Variants in LRRC4C observed in about 807,000 individuals in gnomAD.
The protein encoded by LRRC4C is leucine rich repeat containing 4C, also known as leucine-rich repeat-containing protein 4C.
LRRC4C carries 5 observed loss-of-function variants against 33.6 expected under a neutral mutation model. The observed-to-expected ratio is 0.15, with a 90% confidence interval of 0.08 to 0.31. LRRC4C has a LOEUF of 0.31. Among genes scored for constraint, LRRC4C ranks in the 10% least tolerant of loss-of-function variants. LRRC4C has a pLI of 1.00. For missense variants in LRRC4C, 560 were observed against 796.7 expected, an observed-to-expected ratio of 0.70 and a Z score of 3.58; for synonymous variants, 329 against 302.0, an observed-to-expected ratio of 1.09 and a Z score of -0.93.
intron 1 of LRRC4C, among the ~76,000 whole-genome samples, chr11:41,346,381 T>G (rs978500883): frequency 2.0e-5 from 3 of 152,128 alleles, no homozygotes; most frequent in Non-Finnish European, 2.9e-5. Flanking sequence ...CATAAAAAAA[T>G]TATCTAACTA....
At chr11:40,759,665 T>A (rs922937856) in intron 2 of LRRC4C, among the ~76,000 whole-genome samples, 1 of 151,816 alleles carries the variant, frequency 6.6e-6, no homozygotes, top group Non-Finnish European at 1.5e-5. Context: ...CGGTCTGGAG[T>A]TCTGCTTCTT....
At position 40,423,339 on chromosome 11, in the gene LRRC4C, C is replaced by CTTTT. The variant is rs35819704; in HGVS notation, c.-269-103622_-269-103619dup. 3.1e-3 allele frequency among the ~76,000 whole-genome samples: 284 copies of CTTTT among 90,924 alleles called. 2 individuals are homozygous for CTTTT. The highest frequency in any genetic ancestry group is 7.0e-3 in the East Asian group (20 of 2,876). The allele number at this position is 90,924 out of a possible 152,430, so 59.6% of individuals were successfully genotyped here. On this transcript the variant is annotated intron_variant, in intron 3 of 6. Coordinates refer to ENST00000528697, the MANE Select transcript of LRRC4C (RefSeq NM_001258419.2). ...GAAAAGGAAGTCAGTTGTTCATGTT[C>CTTTT]TTTTTTTTTTTTTTTTTTTTTTTGA... is the stretch of plus-strand genomic sequence containing the variant.
chr11:40,566,423 G>C (rs1273876853), intron 3 of LRRC4C, among the ~76,000 whole-genome samples: 1 of 151,960 alleles, frequency 6.6e-6, no homozygotes, highest in Non-Finnish European at 1.5e-5. Flanking sequence ...AACCTATAAT[G>C]GTTAAGTAGA....
intron 3 of LRRC4C, among the ~76,000 whole-genome samples, chr11:40,372,478 A>T (rs114337704): frequency 0.021 from 3,265 of 152,260 alleles, 105 homozygotes; most frequent in African/African-American, 0.074. Context: ...ACTAGGTTGA[A>T]CCTATTCAGA....
intron 3 of LRRC4C, among the ~76,000 whole-genome samples, chr11:40,506,852 G>A (rs1392976389): frequency 1.3e-5 from 2 of 152,072 alleles, no homozygotes; most frequent in East Asian, 1.9e-4. Flanking sequence ...TAGGTTTAAG[G>A]TGTCATTTTA....
At chr11:40,964,625 G>A (rs1378631062) in intron 1 of LRRC4C, among the ~76,000 whole-genome samples, 1 of 149,946 alleles carries the variant, frequency 6.7e-6, no homozygotes, top group Non-Finnish European at 1.5e-5. Flanking sequence ...GCGGTGTTTG[G>A]TTTTTTGTCC....
intron 2 of LRRC4C, among the ~76,000 whole-genome samples, chr11:40,857,514 G>A (rs949560879): frequency 6.6e-6 from 1 of 152,156 alleles, no homozygotes; most frequent in Non-Finnish European, 1.5e-5. Flanking sequence ...CACACACTGA[G>A]GGAAAGATGA....
intron 5 of LRRC4C, among the ~76,000 whole-genome samples, chr11:40,153,132 C>A (rs905999320): frequency 6.6e-6 from 1 of 152,072 alleles, no homozygotes; most frequent in African/African-American, 2.4e-5. Flanking sequence ...GCAGACAAGC[C>A]CCAGTACCAG....
At chr11:40,462,307 T>G (rs2138196492) in intron 3 of LRRC4C, among the ~76,000 whole-genome samples, 1 of 152,230 alleles carries the variant, frequency 6.6e-6, no homozygotes, top group East Asian at 1.9e-4. Flanking sequence ...TATTAGTCTT[T>G]ATTATGTAGG....
intron 1 of LRRC4C, among the ~76,000 whole-genome samples, chr11:41,266,969 A>G (rs1280021177): frequency 6.6e-6 from 1 of 152,174 alleles, no homozygotes; most frequent in East Asian, 1.9e-4. Context: ...TAAGTGCTAT[A>G]CAAGGCAATA....
intron 1 of LRRC4C, among the ~76,000 whole-genome samples, chr11:41,087,133 T>G (rs1424836885): frequency 6.6e-6 from 1 of 152,096 alleles, no homozygotes; most frequent in Admixed American, 6.6e-5. Context: ...CCTTAACAGA[T>G]TCCCTCTTCT....
intron 1 of LRRC4C, among the ~76,000 whole-genome samples, chr11:41,232,363 A>G (rs1947841292): frequency 6.6e-6 from 1 of 152,048 alleles, no homozygotes; most frequent in Non-Finnish European, 1.5e-5. Flanking sequence ...CTGGATATTT[A>G]GCATTCTTGA....
chr11:40,336,224 C>G (rs1590353547), intron 3 of LRRC4C, among the ~76,000 whole-genome samples: 1 of 152,040 alleles, frequency 6.6e-6, no homozygotes, highest in African/African-American at 2.4e-5. Flanking sequence ...AACCTCTCTC[C>G]TCTTTTTTTC....
intron 2 of LRRC4C, among the ~76,000 whole-genome samples, chr11:40,812,251 T>C (rs1812722574): frequency 6.6e-6 from 1 of 152,156 alleles, no homozygotes; most frequent in African/African-American, 2.4e-5. Context: ...TCAAATCACA[T>C]ATAACTAGGT....
intron 1 of LRRC4C, among the ~76,000 whole-genome samples, chr11:41,001,820 C>G (rs1013298674): frequency 1.3e-5 from 2 of 151,664 alleles, no homozygotes; most frequent in African/African-American, 4.8e-5. Context: ...AGGTTCAAAA[C>G]TTTCAGGTCA....
intron 3 of LRRC4C, among the ~76,000 whole-genome samples, chr11:40,334,131 A>C (rs939335234): frequency 2.0e-5 from 3 of 152,166 alleles, no homozygotes; most frequent in African/African-American, 7.2e-5. Flanking sequence ...GCTGTGTTTT[A>C]GTATGTATAC....
chr11:40,922,906 A>G (rs761477777), intron 2 of LRRC4C, among the ~76,000 whole-genome samples: 1 of 152,056 alleles, frequency 6.6e-6, no homozygotes, highest in African/African-American at 2.4e-5. Context: ...GCTCACTGCA[A>G]CCTCCGCCTC....
intron 2 of LRRC4C, among the ~76,000 whole-genome samples, chr11:40,719,483 T>TGAG (rs1421437906): frequency 2.6e-5 from 4 of 152,200 alleles, no homozygotes; most frequent in African/African-American, 9.6e-5. Context: ...GACTTTAATG[T>TGAG]GAGGTCTGTA....
chr11:40,875,788 G>A (rs1388162468), intron 2 of LRRC4C, among the ~76,000 whole-genome samples: 2 of 152,114 alleles, frequency 1.3e-5, no homozygotes, highest in Non-Finnish European at 2.9e-5. Flanking sequence ...GATGACTCAA[G>A]AGCATTACAT....
Sources: allele counts gnomAD v4.1 joint callset (sites outside exome capture counted in the v4.1 genomes callset), GRCh38; gene constraint gnomAD v4.1.1; transcripts MANE v1.5; gene names NCBI Gene and HGNC (gene_info 2026-07-23, HGNC 2026-07-21).